CENPF: variants seen among roughly 807,000 people sequenced by gnomAD.
The protein encoded by CENPF is centromere protein F, also known as AH antigen.
In CENPF, 214 loss-of-function variants were observed where a neutral mutation model predicts 307.3. The observed-to-expected ratio is 0.70, with a 90% CI of 0.62 to 0.78. CENPF has a LOEUF of 0.78. Among genes scored for constraint, CENPF ranks in the 30% least tolerant of loss-of-function variants. The probability of loss-of-function intolerance (pLI) is 0.00; values close to 1 mark genes in which losing one functional copy is unlikely to be tolerated. For missense variants in CENPF, 3,401 were observed against 3,483.9 expected, an observed-to-expected ratio of 0.98 and a Z score of 0.60; for synonymous variants, 1,259 against 1,270.6, an observed-to-expected ratio of 0.99 and a Z score of 0.19.
In CENPF at chr1:214,661,807, A is replaced by T. The variant is rs547535031; in HGVS notation, c.9142-1784A>T. On this transcript the variant is annotated intron_variant, in intron 19 of 19. Transcript: ENST00000366955. ...GTGAGGGTCATTTTCACTGAACTAC[A>T]TGCATATTTGCCCTCTCTCTGTTGC... 3.4e-4 allele frequency among the ~76,000 whole-genome samples: 51 copies of T among 151,732 alleles called. 1 individual carries two copies. The South Asian group carries it at 0.01, about 31-fold the overall frequency.
Position 214,648,689 on chromosome 1 carries a change from T to C in CENPF, c.7845T>C (p.Thr2615=), listed in dbSNP as rs766219165. The part of the protein sequence containing the change: ...MSFVEKVNKM[T]AKETELQREM... ...TGAAATTTCAGGTAAACAAAATGAC[T>C]GCAAAGGAAACTGAGCTGCAGAGGG... Residue 2615 remains threonine (T), a synonymous_variant, in exon 14 of 20, where the codon ACT becomes ACC. Transcript: ENST00000366955. 5.0e-6 allele frequency: 8 copies of C among 1,612,658 alleles called. No homozygotes were observed. The highest frequency in any genetic ancestry group is 4.4e-5 in the South Asian group (4 of 90,706).
Position 214,630,732 on chromosome 1 carries a change from C to T in CENPF, c.1323+70C>T, listed in dbSNP as rs1326855012. On this transcript the variant is annotated intron_variant, in intron 9 of 19. Coordinates refer to ENST00000366955, the MANE Select transcript of CENPF (RefSeq NM_016343.4). ...TTCCTTGTACTTGTTACTTCTCTAC[C>T]ATAACTGACATATGATACTTTCAAA... is the stretch of plus-strand genomic sequence containing the variant. 42 of 1,539,936 alleles carry T rather than the reference C, an allele frequency of 2.7e-5. No homozygotes were observed. The East Asian group carries it at 9.6e-4, about 35-fold the overall frequency.
At chr1:214,658,660 TGTTAA>T (rs1658709752) in intron 18 of CENPF, among the ~76,000 whole-genome samples, 185 bp from the exon 19 acceptor site, 1 of 152,166 alleles carries the variant, frequency 6.6e-6, no homozygotes, top group South Asian at 2.1e-4. Context: ...GAGAAAAACC[TGTTAA>T]GTTATTTGAT....
In CENPF at chr1:214,647,069, A is replaced by G. The variant is rs1272042178; in HGVS notation, c.7499A>G (p.Gln2500Arg). The change falls in exon 13 of 20, where the codon CAA (glutamine) becomes CGA (arginine). Residue 2500 changes from glutamine to arginine, a missense_variant. Coordinates refer to ENST00000366955, the MANE Select transcript of CENPF (RefSeq NM_016343.4). The stretch of plus-strand genomic sequence containing the variant: ...GCCAAAAATAATTATATTGTTTTGC[A>G]ATCTTCAGTGAATGGCCTCATTCAA... Reference protein sequence around the residue: ...DEAKNNYIVLQSSVNGLIQEV... With the variant: ...DEAKNNYIVLRSSVNGLIQEV... The G allele has an allele frequency of 6.2e-7, 1 of 1,614,092 alleles. No individual in the cohort carries two copies. Among genetic ancestry groups the G allele is most frequent in the Non-Finnish European group, 8.5e-7 (1 of 1,180,010 alleles).
At chr1:214,634,517 A>G in intron 10 of CENPF, among the ~76,000 whole-genome samples, 1 of 152,210 alleles carries the variant, frequency 6.6e-6, no homozygotes, top group East Asian at 1.9e-4. Context: ...TCATCTGCAT[A>G]TAGGGACAAA....
At position 214,640,208 on chromosome 1, in the gene CENPF, A is replaced by G; in HGVS notation, c.1870A>G (p.Ser624Gly). The change falls in exon 12 of 20, where the codon AGT becomes GGT. Residue 624 changes from serine (S) to glycine (G), a missense_variant. Physicochemically the swap from Ser to Gly is moderately conservative, Grantham distance 56. Transcript: ENST00000366955. Reference sequence around the variant, plus strand: ...GAAAACTCTGTTTTCTTGTTGGAAAAGTGAAAACGAAAAACTTTTAACTCA... The same window carrying G: ...GAAAACTCTGTTTTCTTGTTGGAAAGGTGAAAACGAAAAACTTTTAACTCA... Reference protein sequence around the residue: ...EEKTLFSCWKSENEKLLTQME... With the variant: ...EEKTLFSCWKGENEKLLTQME... 1.9e-6 allele frequency: 3 copies of G among 1,599,794 alleles called. No homozygotes were observed. Among genetic ancestry groups the G allele is most frequent in the Non-Finnish European group, 2.5e-6 (3 of 1,176,682 alleles).
intron 10 of CENPF, among the ~76,000 whole-genome samples, chr1:214,635,478 C>A (rs1657933332): frequency 6.6e-6 from 1 of 152,160 alleles, no homozygotes; most frequent in Admixed American, 6.5e-5. Flanking sequence ...TGTGAGGATG[C>A]AGGAGATGCC....
chr1:214,663,622 C>T lies in CENPF; in HGVS notation c.9173C>T (p.Ser3058Leu). The change falls in exon 20 of 20, where the codon TCA (serine) becomes TTA (leucine). Residue 3058 changes from serine (S) to leucine (L), a missense_variant. Coordinates refer to ENST00000366955, the MANE Select transcript of CENPF (RefSeq NM_016343.4). The part of the protein sequence containing the change: ...VKVAQRSPVD[S>L]GTILREPTTK... ...GTTGCTCAGCGGAGCCCAGTAGATT[C>T]AGGCACCATCCTCCGAGAACCCACC... 1.2e-6 allele frequency: 2 copies of T among 1,614,144 alleles called. No homozygotes were observed. Among genetic ancestry groups the T allele is most frequent in the Non-Finnish European group, 1.7e-6 (2 of 1,180,014 alleles).
intron 16 of CENPF, 32 bp from the exon 17 acceptor site, chr1:214,655,209 A>G: frequency 7.0e-7 from 1 of 1,427,666 alleles, no homozygotes; most frequent in Non-Finnish European, 9.4e-7. Context: ...AAGAAATTCA[A>G]GGTTTTAAAT....
chr1:214,619,656 A>C (rs1034162859), intron 5 of CENPF, among the ~76,000 whole-genome samples: 10 of 152,110 alleles, frequency 6.6e-5, no homozygotes, highest in African/African-American at 2.4e-4. Flanking sequence ...AACAGTTTCC[A>C]GTTTGGCACT....
chr1:214,622,470 G>A (rs1351035549), intron 7 of CENPF, among the ~76,000 whole-genome samples, 189 bp downstream of exon 7: 1 of 152,188 alleles, frequency 6.6e-6, no homozygotes, highest in African/African-American at 2.4e-5. Flanking sequence ...GCCTGGTGCC[G>A]TACTTTCCCA....
At chr1:214,610,305 C>T (rs1045218235) in intron 1 of CENPF, among the ~76,000 whole-genome samples, 5 of 152,160 alleles carry the variant, frequency 3.3e-5, no homozygotes, top group African/African-American at 4.8e-5. Flanking sequence ...TTTGCACTCC[C>T]ACCAAAAGTG....
intron 1 of CENPF, 27 bp from the exon 2 acceptor site, chr1:214,613,687 G>A: frequency 6.9e-7 from 1 of 1,442,324 alleles, no homozygotes; most frequent in Non-Finnish European, 9.3e-7. Flanking sequence ...ACTGTGGTAA[G>A]ACCAACAGTC....
chr1:214,652,771 T>C, intron 15 of CENPF, 57 bp from the exon 16 acceptor site: 1 of 1,433,512 alleles, frequency 7.0e-7, no homozygotes, highest in African/African-American at 1.4e-5. Flanking sequence ...TATTTTTTTT[T>C]AGCTGTGCCT....
At position 214,645,033 on chromosome 1, in the gene CENPF, A is replaced by G. The variant is rs776590291; in HGVS notation, c.5463A>G (p.Lys1821=). Residue 1821 remains lysine (K), a synonymous_variant, in exon 13 of 20, where the codon AAA becomes AAG. Coordinates refer to ENST00000366955, the MANE Select transcript of CENPF (RefSeq NM_016343.4). ...LHLQEVQLMT[K]IEACIELEKI... Reference sequence around the variant, plus strand: ...TACAGGAGGTACAACTAATGACCAAAATTGAAGCATGCATAGAATTGGAAA... The same window carrying G: ...TACAGGAGGTACAACTAATGACCAAGATTGAAGCATGCATAGAATTGGAAA... The G allele has an allele frequency of 1.2e-6, 2 of 1,613,926 alleles. No individual in the cohort carries two copies. Among genetic ancestry groups the G allele is most frequent in the Non-Finnish European group, 1.7e-6 (2 of 1,179,990 alleles).
intron 7 of CENPF, among the ~76,000 whole-genome samples, chr1:214,628,214 A>C (rs1409033065): frequency 2.0e-5 from 3 of 152,166 alleles, no homozygotes. Context: ...ATGTTGTTTA[A>C]AATTTTTTAA....
chr1:214,623,056 C>T lies in CENPF; in HGVS notation c.1068+775C>T, dbSNP rs560419883. ...CAAAACCTTGTCTCTACTACAGGTA[C>T]AAAAATTAGCCAGGTGTGGTGGTGC... On this transcript the variant is annotated intron_variant, in intron 7 of 19. Transcript: ENST00000366955. 1.2e-3 allele frequency among the ~76,000 whole-genome samples: 184 copies of T among 152,204 alleles called. 1 individual carries two copies. Among genetic ancestry groups the T allele is most frequent in the African/African-American group, 4.4e-3 (182 of 41,522 alleles).
At position 214,640,356 on chromosome 1, in the gene CENPF, A is replaced by G; in HGVS notation, c.2018A>G (p.Glu673Gly). 6.2e-6 allele frequency: 10 copies of G among 1,614,012 alleles called. No homozygotes were observed. The highest frequency in any genetic ancestry group is 8.5e-6 in the Non-Finnish European group (10 of 1,180,010). ...GTAAGAACGCTGGAGATGGACAGAGAAAACCTAAGTGTCGAGATCAGAAAC... is the reference window on the plus strand; with the variant it reads ...GTAAGAACGCTGGAGATGGACAGAGGAAACCTAAGTGTCGAGATCAGAAAC... The part of the protein sequence containing the change: ...ERVRTLEMDR[E>G]NLSVEIRNLH... Residue 673 changes from glutamate (E) to glycine (G), a missense_variant, in exon 12 of 20, where the codon GAA (glutamate) becomes GGA (glycine). Transcript: ENST00000366955.
chr1:214,641,952 G>A lies in CENPF; in HGVS notation c.3614G>A (p.Ser1205Asn). The A allele has an allele frequency of 6.3e-7, 1 of 1,594,318 alleles. No individual in the cohort carries two copies. The highest frequency in any genetic ancestry group is 8.5e-7 in the Non-Finnish European group (1 of 1,174,452). Reference sequence around the variant, plus strand: ...GAAGTTAAAGAAATTTCTCTAGATAGTTATAATGCGCAGTTGGTGCAATTA... The same window carrying A: ...GAAGTTAAAGAAATTTCTCTAGATAATTATAATGCGCAGTTGGTGCAATTA... Reference protein sequence around the residue: ...DLEVKEISLDSYNAQLVQLEA... With the variant: ...DLEVKEISLDNYNAQLVQLEA... The change falls in exon 12 of 20, where the codon AGT becomes AAT. Residue 1205 changes from serine (S) to asparagine (N), a missense_variant. Transcript: ENST00000366955.
Sources: allele counts gnomAD v4.1 joint callset (sites outside exome capture counted in the v4.1 genomes callset), GRCh38; gene constraint gnomAD v4.1.1; transcripts MANE v1.5; gene names NCBI Gene and HGNC (gene_info 2026-07-23, HGNC 2026-07-21).